Variants in PUM3 observed in about 807,000 individuals in gnomAD.
PUM3 encodes the protein pumilio RNA binding family member 3, also known as pumilio homolog 3.
A neutral mutation model predicts 84.0 loss-of-function variants in PUM3; 91 were observed. The observed-to-expected ratio is 1.08, with a 90% CI of 0.91 to 1.29. The LOEUF is 1.29. Among genes scored for constraint, PUM3 ranks in the 50% most tolerant of loss-of-function variants. The pLI, the probability that PUM3 is intolerant of heterozygous loss-of-function variation, is 0.00. For missense variants in PUM3, 1,067 were observed against 767.5 expected, an observed-to-expected ratio of 1.39 and a Z score of -4.61; for synonymous variants, 321 against 266.7, an observed-to-expected ratio of 1.20 and a Z score of -1.98.
intron 8 of PUM3, 58 bp from the exon 9 acceptor site, chr9:2,828,836 G>A (rs1276808912): frequency 2.1e-6 from 2 of 959,892 alleles, no homozygotes; most frequent in Non-Finnish European, 3.3e-6. Flanking sequence ...TTCACTTCAG[G>A]AAAAAGAAAA....
chr9:2,807,972 C>T (rs763659951), intron 16 of PUM3, 68 bp from the exon 17 acceptor site: 120 of 980,228 alleles, frequency 1.2e-4, no homozygotes, highest in Non-Finnish European at 1.9e-4. Flanking sequence ...CCCTTCTCTA[C>T]TGCCCTTAAA....
rs1816147194 is a variant in PUM3 at position 2,837,197 on chromosome 9, G to A, written c.287C>T (p.Pro96Leu). Reference protein sequence around the residue: ...NKFNKKRKFQPDGRSDESAAK... With the variant: ...NKFNKKRKFQLDGRSDESAAK... Reference sequence around the variant, plus strand: ...GTACTTACCATCGCTTCTACCATCTGGCTGGAATTTTCTCTTCTTGTTGAA... The same window carrying A: ...GTACTTACCATCGCTTCTACCATCTAGCTGGAATTTTCTCTTCTTGTTGAA... The change falls in exon 3 of 18, where the codon CCA becomes CTA. Residue 96 changes from proline to leucine, a missense_variant. Transcript: ENST00000397885. 6.2e-7 allele frequency: 1 copy of A among 1,613,988 alleles called. No homozygotes were observed.
At chr9:2,821,625 G>A (rs1776049929) in intron 12 of PUM3, among the ~76,000 whole-genome samples, 2 of 152,030 alleles carry the variant, frequency 1.3e-5, no homozygotes, top group Non-Finnish European at 2.9e-5. Context: ...TTTATCAAAG[G>A]TTTAGGGAAA....
chr9:2,828,778 A>G lies in PUM3; in HGVS notation c.853T>C (p.Ser285Pro), dbSNP rs1815892751. ...LYGNTFQLYKSADHRTLDKVL... is the reference protein window; with the variant it reads ...LYGNTFQLYKPADHRTLDKVL... ...TTGTCCAGAGTTCGGTGATCTGCTG[A>G]CTGCAACAAAACAAAACAATCAAAC... The change falls in exon 9 of 18, where the codon TCA (serine) becomes CCA (proline). Residue 285 changes from serine to proline, a missense_variant and splice_region_variant. Transcript: ENST00000397885. 1.3e-6 allele frequency: 2 copies of G among 1,538,604 alleles called. No homozygotes were observed. Among genetic ancestry groups the G allele is most frequent in the African/African-American group, 2.7e-5 (2 of 73,260 alleles).
intron 13 of PUM3, among the ~76,000 whole-genome samples, chr9:2,816,271 T>C (rs1821467501): frequency 1.3e-5 from 2 of 152,198 alleles, no homozygotes. Flanking sequence ...AACAGAAATA[T>C]AGAGGGCAGG....
At chr9:2,839,082 G>T (rs1416692958) in intron 1 of PUM3, among the ~76,000 whole-genome samples, 14 of 152,154 alleles carry the variant, frequency 9.2e-5, no homozygotes, top group Admixed American at 9.2e-4. Context: ...CCAAGCAATT[G>T]GCAGTGAACT....
At chr9:2,818,002 G>A (rs1375013176) in intron 13 of PUM3, among the ~76,000 whole-genome samples, 5 of 152,200 alleles carry the variant, frequency 3.3e-5, no homozygotes, top group Non-Finnish European at 4.4e-5. Context: ...GAAAGAGCTC[G>A]TATCCATTTT....
At chr9:2,840,504 G>A (rs1394203531) in intron 1 of PUM3, among the ~76,000 whole-genome samples, 1 of 152,122 alleles carries the variant, frequency 6.6e-6, no homozygotes, top group Non-Finnish European at 1.5e-5. Flanking sequence ...GCATTTAAAT[G>A]GTGATCTTCT....
At position 2,824,819 on chromosome 9, in the gene PUM3, G is replaced by A. The variant is rs1158086893; in HGVS notation, c.1036-4C>T. ...CGCGGATGGCTTCAATCATTTCCTA[G>A]GGAACAAATGCTGTCAGGAACAGGG... On this transcript the variant is annotated splice_region_variant and splice_polypyrimidine_tract_variant and intron_variant, in intron 10 of 17. Coordinates refer to ENST00000397885, the MANE Select transcript of PUM3 (RefSeq NM_014878.5). The A allele has an allele frequency of 1.3e-6, 2 of 1,543,752 alleles. No individual in the cohort carries two copies. The highest frequency in any genetic ancestry group is 2.3e-5 in the East Asian group (1 of 42,750).
In PUM3 at chr9:2,828,690, G is replaced by T. The variant is rs188123994; in HGVS notation, c.941C>A (p.Thr314Asn). The change falls in exon 9 of 18, where the codon ACT (threonine) becomes AAT (asparagine). Residue 314 changes from threonine to asparagine, a missense_variant. Transcript: ENST00000397885. ...ACTTTCTTACTTTTGGGCCATTGGAGTTAGAATCTGTTTCATTTCATCCAT... is the reference window on the plus strand; with the variant it reads ...ACTTTCTTACTTTTGGGCCATTGGATTTAGAATCTGTTTCATTTCATCCAT... ...LIMDEMKQILTPMAQKEAVIK... is the reference protein window; with the variant it reads ...LIMDEMKQILNPMAQKEAVIK... 28 of 1,590,572 alleles carry T rather than the reference G, an allele frequency of 1.8e-5. No homozygotes were observed. The Admixed American group carries it at 2.5e-4, about 14-fold the overall frequency.
chr9:2,831,449 C>T (rs1815977666), intron 5 of PUM3, 105 bp from the exon 6 acceptor site: 1 of 719,564 alleles, frequency 1.4e-6, no homozygotes, highest in Non-Finnish European at 2.4e-6. Flanking sequence ...AAAAGGTAGT[C>T]TTCATGAATA....
intron 16 of PUM3, among the ~76,000 whole-genome samples, chr9:2,809,902 G>A (rs527689368): frequency 1.3e-3 from 201 of 152,220 alleles, no homozygotes; most frequent in African/African-American, 4.5e-3. Flanking sequence ...ACTCTCTTAC[G>A]AGGATAATCT....
intron 13 of PUM3, among the ~76,000 whole-genome samples, chr9:2,815,129 C>G (rs564955590): frequency 5.1e-4 from 77 of 152,234 alleles, no homozygotes; most frequent in African/African-American, 1.7e-3. Flanking sequence ...AATTTAGAAT[C>G]TAAATTCGTA....
In PUM3 at chr9:2,831,724, T is replaced by C. The variant is rs541690611; in HGVS notation, c.517-380A>G. ...TCTGTTTAAAAGGTCTGTTACTGTA[T>C]GATTTTTATATAAGTGATCTAAGAA... On this transcript the variant is annotated intron_variant, in intron 5 of 17. Coordinates refer to ENST00000397885, the MANE Select transcript of PUM3 (RefSeq NM_014878.5). Among the ~76,000 whole-genome samples the C allele has an allele frequency of 5.9e-5, 9 of 152,338 alleles. No individual in the cohort carries two copies. In the East Asian group the frequency reaches 1.5e-3, roughly 26 times the overall value.
chr9:2,826,944 A>G (rs1815837763), intron 10 of PUM3, 129 bp downstream of exon 10: 1 of 695,514 alleles, frequency 1.4e-6, no homozygotes, highest in African/African-American at 1.8e-5. Flanking sequence ...GAGTTGAGTA[A>G]ATTATCTTCC....
rs957339926 is a variant in PUM3 at position 2,838,591 on chromosome 9, T to C, written c.-10-74A>G. On this transcript the variant is annotated intron_variant, in intron 1 of 17. Coordinates refer to ENST00000397885, the MANE Select transcript of PUM3 (RefSeq NM_014878.5). ...TCAAATAAGAGCTGTTTCATAGTCA[T>C]TGCCACATTTAGTCCTTCAGTCTAC... 3.3e-5 allele frequency: 29 copies of C among 876,334 alleles called. No individual in the cohort carries two copies. In the African/African-American group the frequency reaches 4.1e-4, roughly 12 times the overall value. 54.3% of individuals were successfully genotyped at this position (876,334 alleles called of 1,614,324 possible).
chr9:2,808,962 C>A (rs1043250802), intron 16 of PUM3, among the ~76,000 whole-genome samples: 13 of 152,158 alleles, frequency 8.5e-5, no homozygotes, highest in African/African-American at 2.9e-4. Flanking sequence ...AAAGCAACCA[C>A]CATCTCGTGA....
Position 2,804,184 on chromosome 9 carries a change from A to G in PUM3, c.*147T>C. Reference sequence around the variant, plus strand: ...AAAAGACCATTTAAAAAAACAATTTATATAAATAGATTCGTATACAAAGAA... The same window carrying G: ...AAAAGACCATTTAAAAAAACAATTTGTATAAATAGATTCGTATACAAAGAA... On this transcript the variant is annotated 3_prime_UTR_variant, in exon 18 of 18. Coordinates refer to ENST00000397885, the MANE Select transcript of PUM3 (RefSeq NM_014878.5). 8.4e-6 allele frequency: 6 copies of G among 713,216 alleles called. No homozygotes were observed. Among genetic ancestry groups the G allele is most frequent in the Admixed American group, 6.8e-5 (2 of 29,434 alleles). The allele number at this position is 713,216 out of a possible 1,614,324, so 44.2% of individuals were successfully genotyped here.
At chr9:2,814,793 T>C (rs1821439292) in intron 13 of PUM3, among the ~76,000 whole-genome samples, 1 of 152,224 alleles carries the variant, frequency 6.6e-6, no homozygotes, top group South Asian at 2.1e-4. Context: ...AAAAATTTGT[T>C]TTTTTGAGAA....
Sources: gnomAD v4.1 joint callset for allele counts (sites outside exome capture counted in the v4.1 genomes callset) on GRCh38, gnomAD v4.1.1 for gene constraint, MANE v1.5 for transcripts, NCBI Gene and HGNC (gene_info 2026-07-23, HGNC 2026-07-21) for gene names.